The following TMCO5A variants were observed in gnomAD, a reference collection of about 807,000 sequenced individuals.
The protein encoded by TMCO5A is transmembrane and coiled-coil domains 5A.
In TMCO5A, 34 loss-of-function variants were observed where a neutral mutation model predicts 42.3. That is an observed-to-expected ratio of 0.80 (90% CI 0.61 to 1.07). The LOEUF (loss-of-function observed/expected upper bound fraction) is 1.07, where lower values mean the gene tolerates loss of function less well. TMCO5A is among the 50% of genes least tolerant of loss of function. The pLI is 0.00. For missense variants in TMCO5A, 357 were observed against 327.9 expected (o/e 1.09, Z -0.69); for synonymous variants, 131 against 115.6 (o/e 1.13, Z -0.86).
the TMCO5A span, among the ~76,000 whole-genome samples, chr15:37,974,631 A>T: frequency 6.6e-6 from 1 of 151,106 alleles, no homozygotes; most frequent in African/African-American, 2.4e-5. Context: ...GTTTATTTGG[A>T]TCTTCTCTTT....
At chr15:37,935,817 G>A (rs1295064280) in intron 2 of TMCO5A, among the ~76,000 whole-genome samples, 1 of 152,126 alleles carries the variant, frequency 6.6e-6, no homozygotes, top group African/African-American at 2.4e-5. Context: ...AGGGAGAGGT[G>A]TTGAGGTGGG....
the TMCO5A span, among the ~76,000 whole-genome samples, chr15:38,001,717 A>G: frequency 6.6e-6 from 1 of 151,984 alleles, no homozygotes; most frequent in Admixed American, 6.6e-5. Context: ...ATAATATCTT[A>G]TAACTCCTTA....
At chr15:37,956,437 A>C (rs992885828) in intron 11 of TMCO5A, among the ~76,000 whole-genome samples, 1 of 152,174 alleles carries the variant, frequency 6.6e-6, no homozygotes, top group Non-Finnish European at 1.5e-5. Context: ...AGAAATATAA[A>C]CTACATCAAA....
the TMCO5A span, among the ~76,000 whole-genome samples, chr15:37,997,610 G>A: frequency 9.0e-3 from 1,366 of 152,234 alleles, 21 homozygotes; most frequent in African/African-American, 0.032. Flanking sequence ...CAGTTTGTCT[G>A]TGGATGGACA....
rs562450788 is a variant in TMCO5A, at chr15:37,936,395, G to A, written c.72G>A (p.Thr24=). 35 of 1,613,044 alleles carry A rather than the reference G, an allele frequency of 2.2e-5. No individual in the cohort carries two copies. The African/African-American group carries it at 3.2e-4, about 15-fold the overall frequency. ...TGAACATGGACCTTGAAAGGGATAC[G>A]CAGAGAATAGATGAAGCAAATCAGA... ...ISLNMDLERD[T]QRIDEANQKL... is the part of the protein sequence containing the mutation. Residue 24 remains threonine, a synonymous_variant, in exon 3 of 12, where the codon ACG becomes ACA. Coordinates refer to ENST00000319669, the MANE Select transcript of TMCO5A (RefSeq NM_152453.4).
chr15:37,965,237 T>C (rs1890529649), intron 11 of TMCO5A, among the ~76,000 whole-genome samples: 2 of 152,128 alleles, frequency 1.3e-5, no homozygotes, highest in Admixed American at 1.3e-4. Context: ...GAAATCCCTG[T>C]CTCTCACCAT....
At chr15:37,951,875 G>A (rs1397381680), downstream of TMCO5A, among the ~76,000 whole-genome samples, 3 of 152,064 alleles carry the variant, frequency 2.0e-5, no homozygotes, top group Non-Finnish European at 4.4e-5. Context: ...AAACAGTCTG[G>A]AATCACCAAC....
At chr15:38,033,611 T>TTTTTG in the TMCO5A span, among the ~76,000 whole-genome samples, 6 of 151,980 alleles carry the variant, frequency 3.9e-5, no homozygotes, top group Non-Finnish European at 8.8e-5. Context: ...TGTTTGGGTT[T>TTTTTG]TTTTGTTTTG....
chr15:38,021,489 C>G, the TMCO5A span, among the ~76,000 whole-genome samples: 4 of 151,880 alleles, frequency 2.6e-5, no homozygotes, highest in Non-Finnish European at 4.4e-5. Context: ...TAGAAGTGAC[C>G]CCCATTGCTT....
At chr15:37,937,903 C>G (rs952974282) in intron 5 of TMCO5A, among the ~76,000 whole-genome samples, 1 of 152,052 alleles carries the variant, frequency 6.6e-6, no homozygotes, top group Non-Finnish European at 1.5e-5. Flanking sequence ...GGGGCTGTAT[C>G]CTTGAGTAAC....
chr15:38,035,402 T>C, the TMCO5A span, among the ~76,000 whole-genome samples: 1 of 152,198 alleles, frequency 6.6e-6, no homozygotes, highest in Non-Finnish European at 1.5e-5. Context: ...AGTTTTAACA[T>C]ATCCAAAACC....
At chr15:38,014,174 AATAT>A in the TMCO5A span, among the ~76,000 whole-genome samples, 1 of 152,210 alleles carries the variant, frequency 6.6e-6, no homozygotes. Context: ...CATGTAAGGT[AATAT>A]ATTCATAGGT....
chr15:37,960,870 A>G (rs1002012505), intron 11 of TMCO5A, among the ~76,000 whole-genome samples: 1 of 151,966 alleles, frequency 6.6e-6, no homozygotes, highest in East Asian at 1.9e-4. Context: ...CTAATTTTTA[A>G]TGGGATTGTT....
the TMCO5A span, among the ~76,000 whole-genome samples, chr15:37,987,202 T>G: frequency 6.6e-6 from 1 of 152,076 alleles, no homozygotes; most frequent in Non-Finnish European, 1.5e-5. Context: ...TTTGTTTATA[T>G]CGTCTTTGAA....
the TMCO5A span, among the ~76,000 whole-genome samples, chr15:38,001,436 GTTTTT>G: frequency 7.8e-6 from 1 of 128,354 alleles, no homozygotes; most frequent in African/African-American, 2.6e-5. Flanking sequence ...ATTGGATCTT[GTTTTT>G]TTTTTTTTTT....
the TMCO5A span, among the ~76,000 whole-genome samples, chr15:37,988,520 T>G: frequency 2.0e-5 from 3 of 151,944 alleles, no homozygotes; most frequent in African/African-American, 7.2e-5. Flanking sequence ...GAGGTAGTTT[T>G]CTTATCTTCC....
intron 9 of TMCO5A, chr15:37,942,873 T>G (rs190391129): frequency 6.5e-6 from 1 of 153,664 alleles, no homozygotes; most frequent in East Asian, 1.9e-4. Flanking sequence ...AGTTAAATCT[T>G]AATGCAGTCA....
chr15:37,939,271 C>A (rs1422041598), intron 6 of TMCO5A, among the ~76,000 whole-genome samples: 2 of 152,080 alleles, frequency 1.3e-5, no homozygotes, highest in South Asian at 2.1e-4. Context: ...GAGAATTACT[C>A]CCCTATCTTC....
the TMCO5A span, among the ~76,000 whole-genome samples, chr15:38,027,151 G>A: frequency 9.9e-5 from 15 of 152,176 alleles, no homozygotes; most frequent in East Asian, 1.7e-3. Flanking sequence ...TAGATCCACC[G>A]ACAGCTTGCA....
Sources: allele counts gnomAD v4.1 joint callset (sites outside exome capture counted in the v4.1 genomes callset), GRCh38; gene constraint gnomAD v4.1.1; transcripts MANE v1.5; gene names NCBI Gene and HGNC (gene_info 2026-07-23, HGNC 2026-07-21).